The following PEX7 variants were observed in gnomAD, a reference collection of about 807,000 sequenced individuals.
PEX7 encodes the protein PTS2 receptor.
In PEX7, 34 loss-of-function variants were observed where a neutral mutation model predicts 47.5. That is an observed-to-expected ratio of 0.72 (90% confidence interval 0.54 to 0.95). The LOEUF is 0.95. Ranked by LOEUF, PEX7 falls within the 40% of genes least tolerant of loss-of-function variation. The pLI, the probability that PEX7 is intolerant of heterozygous loss-of-function variation, is 0.00. For synonymous variants in PEX7, 141 were observed against 148.8 expected, an observed-to-expected ratio of 0.95 and a Z score of 0.38; for missense variants, 394 against 400.3, an observed-to-expected ratio of 0.98 and a Z score of 0.13.
At chr6:136,840,011 T>C (rs1029949721) in intron 3 of PEX7, among the ~76,000 whole-genome samples, 2 of 152,144 alleles carry the variant, frequency 1.3e-5, no homozygotes, top group Non-Finnish European at 1.5e-5. Flanking sequence ...GAATGAATTA[T>C]TCAAGTGGAG....
At chr6:136,841,759 A>AT (rs969136950) in intron 3 of PEX7, among the ~76,000 whole-genome samples, 1 of 151,614 alleles carries the variant, frequency 6.6e-6, no homozygotes, top group African/African-American at 2.4e-5. Context: ...AATTTTTAAA[A>AT]TTTTTTATAG....
intron 3 of PEX7, among the ~76,000 whole-genome samples, chr6:136,842,002 CTTTT>C (rs1201074060): frequency 7.2e-6 from 1 of 139,816 alleles, no homozygotes; most frequent in Non-Finnish European, 1.6e-5. Flanking sequence ...TTTTCTTTTT[CTTTT>C]TTTTTTTTTT....
At chr6:136,871,776 G>C (rs1305395787) in intron 7 of PEX7, among the ~76,000 whole-genome samples, 1 of 152,124 alleles carries the variant, frequency 6.6e-6, no homozygotes, top group Non-Finnish European at 1.5e-5. Flanking sequence ...GGCCAGGCTG[G>C]TCTCGAGCTC....
chr6:136,910,400 G>A (rs1316267774), intron 9 of PEX7, among the ~76,000 whole-genome samples: 2 of 152,150 alleles, frequency 1.3e-5, no homozygotes, highest in Non-Finnish European at 2.9e-5. Flanking sequence ...AGGCAAAGGG[G>A]ACAGAGGAGC....
chr6:136,865,368 G>T (rs553040431), intron 5 of PEX7, among the ~76,000 whole-genome samples: 3 of 151,998 alleles, frequency 2.0e-5, no homozygotes, highest in Non-Finnish European at 2.9e-5. Context: ...GCACAATCTC[G>T]GCTCACTGCA....
chr6:136,866,602 A>G, intron 5 of PEX7, 25 bp from the exon 6 acceptor site: 1 of 1,585,476 alleles, frequency 6.3e-7, no homozygotes, highest in Non-Finnish European at 8.7e-7. Flanking sequence ...GTGATGGGAA[A>G]TGATCAAGTC....
At chr6:136,838,819 G>C (rs1774441182) in intron 3 of PEX7, among the ~76,000 whole-genome samples, 1 of 152,058 alleles carries the variant, frequency 6.6e-6, no homozygotes, top group African/African-American at 2.4e-5. Context: ...GGGTGCCTGG[G>C]GGTTTATTAT....
chr6:136,852,347 T>C (rs1233068864), intron 5 of PEX7, among the ~76,000 whole-genome samples: 2 of 136,878 alleles, frequency 1.5e-5, no homozygotes, highest in Non-Finnish European at 3.1e-5. Context: ...GCGTATTCAA[T>C]TAGGAAAAGA....
intron 6 of PEX7, among the ~76,000 whole-genome samples, chr6:136,867,103 G>T (rs1159153998): frequency 6.6e-6 from 1 of 152,078 alleles, no homozygotes; most frequent in Non-Finnish European, 1.5e-5. Context: ...ATTGTAATTT[G>T]ATTTTTAATT....
At chr6:136,866,269 G>C (rs1775070546) in intron 5 of PEX7, among the ~76,000 whole-genome samples, 1 of 151,764 alleles carries the variant, frequency 6.6e-6, no homozygotes, top group Non-Finnish European at 1.5e-5. Flanking sequence ...CTCTATTGTT[G>C]GTTTCTAGTA....
At chr6:136,873,309 G>A (rs1473507231) in intron 8 of PEX7, among the ~76,000 whole-genome samples, 1 of 152,094 alleles carries the variant, frequency 6.6e-6, no homozygotes, top group African/African-American at 2.4e-5. Context: ...CATTTAGCTT[G>A]TTTTCAATGT....
chr6:136,844,373 A>G (rs199617153), intron 3 of PEX7, among the ~76,000 whole-genome samples: 4 of 45,624 alleles, frequency 8.8e-5, no homozygotes, highest in East Asian at 6.5e-4. Context: ...CCTGTTTTGG[A>G]AAAAAAAAAA....
At chr6:136,909,932 G>A (rs777877270) in intron 9 of PEX7, among the ~76,000 whole-genome samples, 68 of 152,086 alleles carry the variant, frequency 4.5e-4, no homozygotes, top group Non-Finnish European at 8.2e-4. Flanking sequence ...CTCCAGTAGC[G>A]GATGCTTAAC....
chr6:136,885,174 T>C (rs1237708604), intron 8 of PEX7, among the ~76,000 whole-genome samples: 2 of 152,190 alleles, frequency 1.3e-5, no homozygotes, highest in African/African-American at 4.8e-5. Flanking sequence ...TTTTTTTCAT[T>C]AGGAAGAGCA....
chr6:136,892,756 A>T (rs1256802088), intron 8 of PEX7, among the ~76,000 whole-genome samples: 2 of 152,236 alleles, frequency 1.3e-5, no homozygotes, highest in Non-Finnish European at 2.9e-5. Flanking sequence ...TGGAAATATT[A>T]TGAGTACTAT....
intron 8 of PEX7, among the ~76,000 whole-genome samples, chr6:136,882,175 C>T (rs200136299): frequency 4.8e-5 from 5 of 104,308 alleles, no homozygotes; most frequent in Admixed American, 1.1e-4. Context: ...TCTTCTTCTT[C>T]TTTTTTTTTT....
chr6:136,842,920 C>G (rs1240258946), intron 3 of PEX7, among the ~76,000 whole-genome samples: 1 of 152,112 alleles, frequency 6.6e-6, no homozygotes, highest in Non-Finnish European at 1.5e-5. Flanking sequence ...AATGGAAATT[C>G]ACAAGTGGAG....
chr6:136,828,956 A>T (rs1423439370), intron 3 of PEX7, among the ~76,000 whole-genome samples: 1 of 152,126 alleles, frequency 6.6e-6, no homozygotes, highest in Non-Finnish European at 1.5e-5. Flanking sequence ...TTAATTTTTT[A>T]AATTTGTTTT....
At chr6:136,890,393 G>A (rs1775533976) in intron 8 of PEX7, among the ~76,000 whole-genome samples, 1 of 152,176 alleles carries the variant, frequency 6.6e-6, no homozygotes, top group Non-Finnish European at 1.5e-5. Context: ...TGTGGCCTAT[G>A]GAAGGCATTG....
Sources: gnomAD v4.1 joint callset for allele counts (sites outside exome capture counted in the v4.1 genomes callset) on GRCh38, gnomAD v4.1.1 for gene constraint, MANE v1.5 for transcripts, NCBI Gene and HGNC (gene_info 2026-07-23, HGNC 2026-07-21) for gene names.